The following ADCY1 variants were observed in gnomAD, a reference collection of about 807,000 sequenced individuals.
ADCY1 encodes the protein adenylate cyclase type 1.
Under a neutral mutation model 105.4 loss-of-function variants are expected in ADCY1, and 28 were observed. That is an observed-to-expected ratio of 0.27 (90% confidence interval 0.20 to 0.36). The LOEUF (loss-of-function observed/expected upper bound fraction) is 0.36. ADCY1 is among the 10% of genes least tolerant of loss of function. ADCY1 has a pLI of 1.00. For synonymous variants in ADCY1, 655 were observed against 623.8 expected (o/e 1.05, Z -0.75); for missense variants, 977 against 1,434.2 (o/e 0.68, Z 5.15).
intron 4 of ADCY1, among the ~76,000 whole-genome samples, chr7:45,636,863 G>A (rs1455039598): frequency 2.0e-5 from 3 of 152,190 alleles, no homozygotes; most frequent in Non-Finnish European, 4.4e-5. Context: ...TTTATTTGAA[G>A]TTTGTTCTTA....
chr7:45,634,818 G>T (rs1794354971), intron 4 of ADCY1, among the ~76,000 whole-genome samples: 1 of 152,112 alleles, frequency 6.6e-6, no homozygotes, highest in African/African-American at 2.4e-5. Flanking sequence ...AGGAGGATTT[G>T]TATTGCATTA....
At chr7:45,606,738 A>G (rs979749836) in intron 2 of ADCY1, among the ~76,000 whole-genome samples, 8 of 152,224 alleles carry the variant, frequency 5.3e-5, no homozygotes, top group Non-Finnish European at 1.0e-4. Context: ...TTAAGAGTAC[A>G]TTTAAGTCAC....
intron 6 of ADCY1, 115 bp downstream of exon 6, chr7:45,658,000 T>C: frequency 1.6e-6 from 2 of 1,223,302 alleles, no homozygotes; most frequent in Non-Finnish European, 2.3e-6. Flanking sequence ...GTGTGAGTGC[T>C]CCTGGAGGAG....
Position 45,697,493 on chromosome 7 carries a change from T to C in ADCY1, c.2455-5883T>C, listed in dbSNP as rs1223209508. On this transcript the variant is annotated intron_variant, in intron 14 of 19. Coordinates refer to ENST00000297323, the MANE Select transcript of ADCY1 (RefSeq NM_021116.4). ...ACAACCTCTCCCTCCCGGGTTCAAGTGATTCTCCTGCCTCAGCCTCCTGAG... is the reference window on the plus strand; with the variant it reads ...ACAACCTCTCCCTCCCGGGTTCAAGCGATTCTCCTGCCTCAGCCTCCTGAG... Among the ~76,000 whole-genome samples the C allele has an allele frequency of 4.7e-5, 7 of 149,506 alleles. No individual in the cohort carries two copies. The Admixed American group carries it at 4.8e-4, about 10-fold the overall frequency.
At chr7:45,590,357 A>G (rs73694814) in intron 1 of ADCY1, among the ~76,000 whole-genome samples, 2,288 of 152,256 alleles carry the variant, frequency 0.015, 65 homozygotes, top group African/African-American at 0.052. Context: ...TTTTGTTTTA[A>G]GGGCTGGGGT....
rs2293109 is a variant in ADCY1 at position 45,678,112 on chromosome 7, T to C, written c.1800+49T>C. 10,056 of 1,613,598 alleles carry C rather than the reference T, an allele frequency of 6.2e-3. 397 individuals are homozygous for C. The East Asian group carries it at 0.12, about 19-fold the overall frequency. ...TCCCTGGTGCTGCTTGCGAAGGCGC[T>C]GCCTGGCTGGAGGAAGCCCTCAGCC... On this transcript the variant is annotated intron_variant, in intron 9 of 19. Coordinates refer to ENST00000297323, the MANE Select transcript of ADCY1 (RefSeq NM_021116.4).
chr7:45,696,519 A>G (rs1221402153), intron 14 of ADCY1, among the ~76,000 whole-genome samples: 1 of 151,830 alleles, frequency 6.6e-6, no homozygotes, highest in Admixed American at 6.6e-5. Context: ...CACAAAGACC[A>G]TGTTTAGCAC....
Position 45,720,972 on chromosome 7 carries a change from G to A in ADCY1, c.*6977G>A, listed in dbSNP as rs1785461743. 1 of 152,252 alleles carries A rather than the reference G, an allele frequency of 6.6e-6. No individual in the cohort carries two copies. Among genetic ancestry groups the A allele is most frequent in the African/African-American group, 2.4e-5 (1 of 41,450 alleles). 9.4% of individuals were successfully genotyped at this position (152,252 alleles called of 1,614,324 possible). A position where few individuals can be genotyped will look rare whatever the true frequency, so the allele number is the denominator to read the frequency against. ...AAAGTCACACAGCCCTGAGAGGCAG[G>A]ACCAGGGTTCCATTCCTGCTCTATC... On this transcript the variant is annotated 3_prime_UTR_variant, in exon 20 of 20. Transcript: ENST00000297323.
Position 45,722,931 on chromosome 7 carries a change from C to G in ADCY1, c.*8936C>G, listed in dbSNP as rs1343952744. ...CTGTAGGGTACCTTCCAGTCTTTTT[C>G]AAGATTGTTAAATTGAGACAAGTAA... On this transcript the variant is annotated 3_prime_UTR_variant, in exon 20 of 20. Coordinates refer to ENST00000297323, the MANE Select transcript of ADCY1 (RefSeq NM_021116.4). 3 of 152,484 alleles carry G rather than the reference C, an allele frequency of 2.0e-5. No homozygotes were observed. Among genetic ancestry groups the G allele is most frequent in the African/African-American group, 7.2e-5 (3 of 41,390 alleles). The allele number at this position is 152,484 out of a possible 1,614,324, so 9.4% of individuals were successfully genotyped here. A position where few individuals can be genotyped will look rare whatever the true frequency, so the allele number is the denominator to read the frequency against.
chr7:45,615,835 G>C lies in ADCY1; in HGVS notation c.908+5338G>C, dbSNP rs562108973. ...TAAGCCCAAAGTTATTAGAATGAAG[G>C]AAATAACAGAGATGAGAGCAGAAAT... On this transcript the variant is annotated intron_variant, in intron 3 of 19. Transcript: ENST00000297323. Among the ~76,000 whole-genome samples the C allele has an allele frequency of 2.6e-5, 4 of 151,670 alleles. No individual in the cohort carries two copies. The South Asian group carries it at 8.4e-4, about 32-fold the overall frequency.
Position 45,708,417 on chromosome 7 carries a change from T to C in ADCY1, c.2885T>C (p.Leu962Pro). The C allele has an allele frequency of 1.2e-6, 2 of 1,614,242 alleles. No individual in the cohort carries two copies. Among genetic ancestry groups the C allele is most frequent in the Non-Finnish European group, 1.7e-6 (2 of 1,180,032 alleles). Residue 962 changes from leucine (L) to proline (P), a missense_variant, in exon 18 of 20, where the codon CTG (leucine) becomes CCG (proline). Coordinates refer to ENST00000297323, the MANE Select transcript of ADCY1 (RefSeq NM_021116.4). This position sits in a 1 kb window ranked among gnomAD's most constrained non-coding sequence, Gnocchi z 4.7. ...TTTGCCATTGAGATGTTTGACGTTC[T>C]GGATGAAATCAACTACCAGTCTTAC... ...ADFAIEMFDVLDEINYQSYND... is the reference protein window; with the variant it reads ...ADFAIEMFDVPDEINYQSYND...
Position 45,575,158 on chromosome 7 carries a change from C to T in ADCY1, c.615C>T (p.Ala205=), listed in dbSNP as rs139122316. Residue 205 remains alanine, a synonymous_variant, in exon 1 of 20, where the codon GCC becomes GCT. Coordinates refer to ENST00000297323, the MANE Select transcript of ADCY1 (RefSeq NM_021116.4). This position sits in a 1 kb window ranked among gnomAD's most constrained non-coding sequence, Gnocchi z 4.7. Reference sequence around the variant, plus strand: ...TGGTCACAGCCACCTTGGTCCCCGCCAAGCGCCCACGTCTCTGGAGGACGG... The same window carrying T: ...TGGTCACAGCCACCTTGGTCCCCGCTAAGCGCCCACGTCTCTGGAGGACGG... ...HLLVTATLVP[A]KRPRLWRTLG... The T allele has an allele frequency of 1.2e-6, 2 of 1,607,356 alleles. No homozygotes were observed. Among genetic ancestry groups the T allele is most frequent in the Non-Finnish European group, 1.7e-6 (2 of 1,177,190 alleles).
intron 2 of ADCY1, among the ~76,000 whole-genome samples, chr7:45,604,436 A>G (rs1793322632): frequency 6.6e-6 from 1 of 152,026 alleles, no homozygotes; most frequent in African/African-American, 2.4e-5. Flanking sequence ...CCTAGTTCTT[A>G]TGTGTTTTTC....
At chr7:45,588,481 A>G (rs1792801847) in intron 1 of ADCY1, among the ~76,000 whole-genome samples, 1 of 152,230 alleles carries the variant, frequency 6.6e-6, no homozygotes, top group African/African-American at 2.4e-5. Context: ...GAGCTAGAAC[A>G]TATATGTGCA....
Position 45,667,305 on chromosome 7 carries a change from A to G in ADCY1, c.1605+5091A>G, listed in dbSNP as rs571317638. 1.9e-3 allele frequency among the ~76,000 whole-genome samples: 287 copies of G among 152,334 alleles called. 1 individual carries two copies. Among genetic ancestry groups the G allele is most frequent in the African/African-American group, 6.7e-3 (277 of 41,568 alleles). ...TAATCCATCCTGAATTAATTTTTGTATAAGGCGTAAGGAAGGGGTCCAGTT... is the reference window on the plus strand; with the variant it reads ...TAATCCATCCTGAATTAATTTTTGTGTAAGGCGTAAGGAAGGGGTCCAGTT... On this transcript the variant is annotated intron_variant, in intron 8 of 19. Coordinates refer to ENST00000297323, the MANE Select transcript of ADCY1 (RefSeq NM_021116.4).
chr7:45,650,985 C>T (rs895307830), intron 5 of ADCY1, among the ~76,000 whole-genome samples: 5 of 152,172 alleles, frequency 3.3e-5, no homozygotes, highest in Admixed American at 1.3e-4. Flanking sequence ...TGCTGGCTCT[C>T]AGTCTGTGAG....
intron 1 of ADCY1, among the ~76,000 whole-genome samples, chr7:45,580,843 G>A (rs1792513647): frequency 6.6e-6 from 1 of 152,138 alleles, no homozygotes. Flanking sequence ...AGCAGGCTGC[G>A]GTCAGTGGTG....
rs1255895181 is a variant in ADCY1, at chr7:45,715,809, G to C, written c.*1814G>C. On this transcript the variant is annotated 3_prime_UTR_variant, in exon 20 of 20. Coordinates refer to ENST00000297323, the MANE Select transcript of ADCY1 (RefSeq NM_021116.4). ...GGATGGCTTCGGGCAGGGAAGGCGG[G>C]TAGAGGCTGCATGTGGGGGCCCCTG... The C allele has an allele frequency of 6.5e-6, 1 of 152,982 alleles. No homozygotes were observed. The highest frequency in any genetic ancestry group is 1.5e-5 in the Non-Finnish European group (1 of 68,660). 9.5% of individuals were successfully genotyped at this position (152,982 alleles called of 1,614,324 possible).
intron 8 of ADCY1, among the ~76,000 whole-genome samples, chr7:45,670,062 A>T (rs1184516294): frequency 1.3e-5 from 2 of 152,234 alleles, no homozygotes; most frequent in Non-Finnish European, 2.9e-5. Flanking sequence ...TTTAATAAGC[A>T]GATGTTGAAT....
Sources: allele counts gnomAD v4.1 joint callset (sites outside exome capture counted in the v4.1 genomes callset), GRCh38; gene constraint gnomAD v4.1.1; non-coding constraint Gnocchi (gnomAD v3.1); transcripts MANE v1.5; gene names NCBI Gene and HGNC (gene_info 2026-07-23, HGNC 2026-07-21).